The following PLCH1 variants were observed in gnomAD, a reference collection of about 807,000 sequenced individuals.
PLCH1 encodes 1-phosphatidylinositol 4,5-bisphosphate phosphodiesterase eta-1.
Under a neutral mutation model 126.7 loss-of-function variants are expected in PLCH1, and 60 were observed. The ratio of observed to expected loss-of-function variants is 0.47; its 90% confidence interval spans 0.38 to 0.59. PLCH1 has a LOEUF of 0.59. PLCH1 is among the 20% of genes least tolerant of loss of function. The pLI, the probability that PLCH1 is intolerant of heterozygous loss-of-function variation, is 0.00. For synonymous variants in PLCH1, 719 were observed against 734.9 expected (o/e 0.98, Z 0.35); for missense variants, 1,723 against 2,040.0 (o/e 0.84, Z 2.99).
At chr3:155,561,108 C>T (rs903764871) in intron 8 of PLCH1, among the ~76,000 whole-genome samples, 1 of 111,810 alleles carries the variant, frequency 8.9e-6, no homozygotes, top group Middle Eastern at 5.3e-3. Flanking sequence ...CTTCTAATCA[C>T]CTTTTCTTTT....
intron 10 of PLCH1, among the ~76,000 whole-genome samples, chr3:155,548,315 T>C (rs181696): frequency 0.55 from 83,453 of 152,108 alleles, 27,712 homozygotes; most frequent in Non-Finnish European, 0.75. Context: ...GGCAGCTCCT[T>C]AATGTCTAAA....
intron 1 of PLCH1, among the ~76,000 whole-genome samples, chr3:155,734,928 C>G (rs1749057458): frequency 6.6e-6 from 1 of 152,098 alleles, no homozygotes; most frequent in Non-Finnish European, 1.5e-5. Context: ...CCAGGATGGT[C>G]TCGATCTCCT....
In PLCH1 at chr3:155,517,188, C is replaced by A. The variant is rs368744948; in HGVS notation, c.1471-2304G>T. Among the ~76,000 whole-genome samples, 190 of 152,140 alleles carry A rather than the reference C, an allele frequency of 1.2e-3. 1 individual carries two copies. The highest frequency in any genetic ancestry group is 4.4e-3 in the African/African-American group (184 of 41,504). ...TGGGCATGGTGGCATGCACCTGTAG[C>A]CCTAGCTACTTGGGAGGCTGAGGTG... On this transcript the variant is annotated intron_variant, in intron 11 of 22. Transcript: ENST00000460012.
At chr3:155,510,770 C>T (rs376303310) in intron 12 of PLCH1, among the ~76,000 whole-genome samples, 55 of 104,862 alleles carry the variant, frequency 5.2e-4, no homozygotes, top group African/African-American at 1.6e-3. Context: ...CCGACCTTTC[C>T]CTCTGGCTGC....
intron 12 of PLCH1, among the ~76,000 whole-genome samples, chr3:155,511,373 T>C (rs1053716698): frequency 3.9e-5 from 5 of 126,712 alleles, no homozygotes; most frequent in African/African-American, 2.0e-4. Context: ...TCATTCTCCA[T>C]CCAGCTTTGT....
At chr3:155,512,125 C>T (rs1439416780) in intron 12 of PLCH1, among the ~76,000 whole-genome samples, 1 of 151,212 alleles carries the variant, frequency 6.6e-6, no homozygotes, top group African/African-American at 2.4e-5. Flanking sequence ...CCAGGTGCGT[C>T]CGTCACCCCT....
chr3:155,644,287 T>C (rs1739746667), intron 2 of PLCH1, among the ~76,000 whole-genome samples: 1 of 152,006 alleles, frequency 6.6e-6, no homozygotes, highest in Non-Finnish European at 1.5e-5. Flanking sequence ...ATTATTGAAG[T>C]GAGTATAAGA....
chr3:155,716,154 A>G (rs912977612), intron 1 of PLCH1, among the ~76,000 whole-genome samples: 1 of 152,226 alleles, frequency 6.6e-6, no homozygotes, highest in Non-Finnish European at 1.5e-5. Flanking sequence ...ACAACTATTC[A>G]TAGTAATCTT....
intron 10 of PLCH1, among the ~76,000 whole-genome samples, chr3:155,545,836 C>A (rs1725184697): frequency 6.6e-6 from 1 of 152,164 alleles, no homozygotes; most frequent in African/African-American, 2.4e-5. Flanking sequence ...CAAAATTCAA[C>A]AAGCTTCATG....
chr3:155,723,031 C>T (rs191267556), intron 1 of PLCH1, among the ~76,000 whole-genome samples: 5 of 152,286 alleles, frequency 3.3e-5, no homozygotes, highest in Admixed American at 2.0e-4. Flanking sequence ...GTTTCTATTT[C>T]TTCCTAGTTT....
At position 155,480,882 on chromosome 3, in the gene PLCH1, A is replaced by G. The variant is rs1433030925; in HGVS notation, c.*86T>C. 8.7e-7 allele frequency: 1 copy of G among 1,154,694 alleles called. No individual in the cohort carries two copies. The highest frequency in any genetic ancestry group is 1.5e-5 in the South Asian group (1 of 65,140). The allele number at this position is 1,154,694 out of a possible 1,614,324, so 71.5% of individuals were successfully genotyped here. A position where few individuals can be genotyped will look rare whatever the true frequency, so the allele number is the denominator to read the frequency against. On this transcript the variant is annotated 3_prime_UTR_variant, in exon 23 of 23. Coordinates refer to ENST00000460012, the MANE Select transcript of PLCH1 (RefSeq NM_014996.4). ...AAGTTTAAAAATACATTTGAAAATCATTCCAAAGCCAAGGAACTTATTTAC... is the reference window on the plus strand; with the variant it reads ...AAGTTTAAAAATACATTTGAAAATCGTTCCAAAGCCAAGGAACTTATTTAC...
At chr3:155,548,890 T>A (rs1415434414) in intron 10 of PLCH1, among the ~76,000 whole-genome samples, 1 of 152,224 alleles carries the variant, frequency 6.6e-6, no homozygotes, top group African/African-American at 2.4e-5. Context: ...TTCCATGTGC[T>A]GCTCTCCCTT....
intron 2 of PLCH1, among the ~76,000 whole-genome samples, chr3:155,683,171 G>A (rs1415686402): frequency 6.6e-6 from 1 of 152,138 alleles, no homozygotes; most frequent in East Asian, 1.9e-4. Context: ...TGTTCCACAG[G>A]ACAGAGATGA....
At chr3:155,735,029 T>C (rs1749070750) in intron 1 of PLCH1, among the ~76,000 whole-genome samples, 1 of 152,134 alleles carries the variant, frequency 6.6e-6, no homozygotes, top group Non-Finnish European at 1.5e-5. Context: ...AGCATTCTAT[T>C]CACCCTTTAA....
At chr3:155,566,249 A>G (rs563467068) in intron 7 of PLCH1, among the ~76,000 whole-genome samples, 3 of 95,448 alleles carry the variant, frequency 3.1e-5, no homozygotes, top group Admixed American at 1.5e-4. Context: ...ACATATATAT[A>G]CGTATATATA....
chr3:155,653,287 G>C (rs745906637), intron 2 of PLCH1, among the ~76,000 whole-genome samples: 35 of 152,100 alleles, frequency 2.3e-4, no homozygotes, highest in African/African-American at 8.2e-4. Flanking sequence ...CCATGGGCTG[G>C]GATTACATGC....
chr3:155,697,170 T>C (rs995696139), intron 2 of PLCH1, among the ~76,000 whole-genome samples: 5 of 152,190 alleles, frequency 3.3e-5, no homozygotes, highest in Non-Finnish European at 7.3e-5. Context: ...TGGATTTTTA[T>C]ACATACAGAT....
At chr3:155,592,020 T>C (rs1189928696) in intron 4 of PLCH1, among the ~76,000 whole-genome samples, 1 of 151,888 alleles carries the variant, frequency 6.6e-6, no homozygotes, top group Non-Finnish European at 1.5e-5. Flanking sequence ...CTTCAGTTTT[T>C]AAGAGTGAAA....
chr3:155,525,720 TAAC>T (rs1333077765), intron 10 of PLCH1, among the ~76,000 whole-genome samples: 2 of 152,156 alleles, frequency 1.3e-5, no homozygotes, highest in Non-Finnish European at 2.9e-5. Flanking sequence ...TTGACTTACC[TAAC>T]AACACACTTT....
Sources: allele counts gnomAD v4.1 joint callset (sites outside exome capture counted in the v4.1 genomes callset), GRCh38; gene constraint gnomAD v4.1.1; transcripts MANE v1.5; gene names NCBI Gene and HGNC (gene_info 2026-07-23, HGNC 2026-07-21).